Variants in TNFRSF11B observed in about 807,000 individuals in gnomAD.
TNFRSF11B encodes the protein tumor necrosis factor receptor superfamily member 11B.
In TNFRSF11B, 16 loss-of-function variants were observed where a neutral mutation model predicts 43.4. The ratio of observed to expected loss-of-function variants is 0.37; its 90% confidence interval spans 0.25 to 0.56. The LOEUF (loss-of-function observed/expected upper bound fraction) is 0.56. Ranked by LOEUF, TNFRSF11B falls within the 20% of genes least tolerant of loss-of-function variation. The probability of loss-of-function intolerance (pLI) is 0.80; values close to 1 mark genes in which losing one functional copy is unlikely to be tolerated. For missense variants in TNFRSF11B, 444 were observed against 490.1 expected, an observed-to-expected ratio of 0.91 and a Z score of 0.89; for synonymous variants, 185 against 181.8, an observed-to-expected ratio of 1.02 and a Z score of -0.14.
rs11573872 is a variant in TNFRSF11B, at chr8:118,940,438, T to C, written c.31-7138A>G. On this transcript the variant is annotated intron_variant, in intron 1 of 4. Transcript: ENST00000297350. The stretch of plus-strand genomic sequence containing the variant: ...AGCTTGGAAACCTGCATTTAGAATA[T>C]GCATACCACAATTCCAAATTGAGCT... Among the ~76,000 whole-genome samples the C allele has an allele frequency of 9.6e-3, 1,456 of 152,280 alleles. 26 individuals are homozygous for C. Among genetic ancestry groups the C allele is most frequent in the African/African-American group, 0.034 (1,395 of 41,558 alleles).
intron 2 of TNFRSF11B, chr8:118,929,164 C>T (rs1160864546): frequency 7.4e-6 from 4 of 543,312 alleles, no homozygotes; most frequent in Non-Finnish European, 1.3e-5. Flanking sequence ...TTCTCGTTAC[C>T]TACAAAACGC....
chr8:118,933,491 G>A (rs10505345), intron 1 of TNFRSF11B, among the ~76,000 whole-genome samples, 191 bp from the exon 2 acceptor site: 7,248 of 152,240 alleles, frequency 0.048, 564 homozygotes, highest in African/African-American at 0.16. Flanking sequence ...GCAGATAGCA[G>A]TGAACATATT....
At chr8:118,930,443 T>A (rs1812311458) in intron 2 of TNFRSF11B, 1 of 156,488 alleles carries the variant, frequency 6.4e-6, no homozygotes, top group African/African-American at 2.4e-5. Context: ...CGGAGTCTCA[T>A]CTCTGTCACC....
chr8:118,938,443 T>A (rs571320275), intron 1 of TNFRSF11B, among the ~76,000 whole-genome samples: 1 of 152,334 alleles, frequency 6.6e-6, no homozygotes, highest in East Asian at 1.9e-4. Flanking sequence ...TCAGGGTAAT[T>A]AACTTGTTTC....
intron 1 of TNFRSF11B, among the ~76,000 whole-genome samples, chr8:118,940,390 A>C (rs1314576682): frequency 6.6e-6 from 1 of 152,240 alleles, no homozygotes; most frequent in African/African-American, 2.4e-5. Context: ...CAATTTGGTC[A>C]ATAAATTAAC....
Position 118,933,016 on chromosome 8 carries a change from G to C in TNFRSF11B, c.315C>G (p.Cys105Trp), listed in dbSNP as rs751552719. The change falls in exon 2 of 5, where the codon TGC becomes TGG. Residue 105 changes from cysteine to tryptophan, a missense_variant. Physicochemically the swap from Cys to Trp is radical, Grantham distance 215 (BLOSUM62 -2). Coordinates refer to ENST00000297350, the MANE Select transcript of TNFRSF11B (RefSeq NM_002546.4). ...QECNRTHNRV[C>W]ECKEGRYLEI... is the part of the protein sequence containing the mutation. ...CAAGGTAGCGCCCTTCCTTGCATTCGCACACGCGGTTGTGGGTGCGATTGC... is the reference window on the plus strand; with the variant it reads ...CAAGGTAGCGCCCTTCCTTGCATTCCCACACGCGGTTGTGGGTGCGATTGC... 1 of 1,614,092 alleles carries C rather than the reference G, an allele frequency of 6.2e-7. No homozygotes were observed. Among genetic ancestry groups the C allele is most frequent in the Non-Finnish European group, 8.5e-7 (1 of 1,180,014 alleles).
chr8:118,946,787 G>T (rs889359778), intron 1 of TNFRSF11B, among the ~76,000 whole-genome samples: 13 of 152,014 alleles, frequency 8.6e-5, no homozygotes, highest in African/African-American at 3.1e-4. Flanking sequence ...AAAATCTCCA[G>T]CCCAGGCTTC....
intron 1 of TNFRSF11B, among the ~76,000 whole-genome samples, 154 bp from the exon 2 acceptor site, chr8:118,933,454 G>A (rs1480280470): frequency 2.0e-5 from 3 of 152,034 alleles, no homozygotes; most frequent in Admixed American, 1.3e-4. Flanking sequence ...TTTTGCCTCC[G>A]GGAGCTTAAT....
At chr8:118,925,997 A>T (rs938703113) in intron 4 of TNFRSF11B, among the ~76,000 whole-genome samples, 1 of 152,226 alleles carries the variant, frequency 6.6e-6, no homozygotes, top group Non-Finnish European at 1.5e-5. Flanking sequence ...TTCTCATAAC[A>T]TATGCCATTA....
In TNFRSF11B at chr8:118,951,422, A is replaced by T. The variant is rs546767306; in HGVS notation, c.30+370T>A. Among the ~76,000 whole-genome samples the T allele has an allele frequency of 4.8e-4, 73 of 152,346 alleles. 1 individual carries two copies. The highest frequency in any genetic ancestry group is 7.8e-4 in the Admixed American group (12 of 15,312). ...CCACTTCTTTGCCACTAATAATAAA[A>T]GTTCAAGTTCATTAAGCAAAGATAG... On this transcript the variant is annotated intron_variant, in intron 1 of 4. Transcript: ENST00000297350.
chr8:118,951,186 T>G (rs921305201), intron 1 of TNFRSF11B, among the ~76,000 whole-genome samples: 1 of 152,208 alleles, frequency 6.6e-6, no homozygotes, highest in Non-Finnish European at 1.5e-5. Context: ...TTCTCCACAG[T>G]ATATTGAAGT....
At chr8:118,944,496 T>G (rs1233961790) in intron 1 of TNFRSF11B, among the ~76,000 whole-genome samples, 2 of 152,110 alleles carry the variant, frequency 1.3e-5, no homozygotes, top group African/African-American at 4.8e-5. Flanking sequence ...CCACCAAGCT[T>G]CTGGAAGGCA....
In TNFRSF11B at chr8:118,924,527, G is replaced by A; in HGVS notation, c.1053C>T (p.His351=). The change falls in exon 5 of 5, where the codon CAC becomes CAT. Residue 351 remains histidine, a synonymous_variant. Transcript: ENST00000297350. The part of the protein sequence containing the change: ...TLKGLMHALK[H]SKTYHFPKTV... ...TTTTGGGAAAGTGGTACGTCTTTGAGTGCTTTAGTGCGTGCATTAGGCCCT... is the reference window on the plus strand; with the variant it reads ...TTTTGGGAAAGTGGTACGTCTTTGAATGCTTTAGTGCGTGCATTAGGCCCT... The A allele has an allele frequency of 6.2e-7, 1 of 1,614,178 alleles. No homozygotes were observed.
intron 1 of TNFRSF11B, among the ~76,000 whole-genome samples, chr8:118,950,396 A>G (rs1399110430): frequency 6.6e-6 from 1 of 152,242 alleles, no homozygotes; most frequent in Non-Finnish European, 1.5e-5. Flanking sequence ...TTTCAGTGAA[A>G]GAAGTCAAAT....
intron 2 of TNFRSF11B, chr8:118,930,796 A>G (rs1812318087): frequency 2.3e-6 from 1 of 437,594 alleles, no homozygotes; most frequent in African/African-American, 2.0e-5. Flanking sequence ...TGTGTCAGAT[A>G]TTTCTTTTAG....
At chr8:118,948,620 A>G (rs980722099) in intron 1 of TNFRSF11B, among the ~76,000 whole-genome samples, 19 of 151,900 alleles carry the variant, frequency 1.3e-4, no homozygotes, top group Admixed American at 2.6e-4. Flanking sequence ...GTAAAATTTG[A>G]AACTAGATTG....
intron 4 of TNFRSF11B, among the ~76,000 whole-genome samples, chr8:118,926,249 T>G (rs1812242352): frequency 6.6e-6 from 1 of 152,168 alleles, no homozygotes; most frequent in Admixed American, 6.5e-5. Flanking sequence ...TGCATTTCTC[T>G]TCTCTTAGAG....
At chr8:118,948,591 AGCT>A (rs1812598414) in intron 1 of TNFRSF11B, among the ~76,000 whole-genome samples, 1 of 113,610 alleles carries the variant, frequency 8.8e-6, no homozygotes, top group Non-Finnish European at 1.7e-5. Flanking sequence ...GGAATTTCAC[AGCT>A]GTAGTTTCAG....
chr8:118,929,224 A>G (rs1254591151), intron 2 of TNFRSF11B, among the ~76,000 whole-genome samples: 1 of 152,244 alleles, frequency 6.6e-6, no homozygotes, highest in Non-Finnish European at 1.5e-5. Context: ...TCATTAGTCC[A>G]GCCTCCGCTG....
Sources: gnomAD v4.1 joint callset for allele counts (sites outside exome capture counted in the v4.1 genomes callset) on GRCh38, gnomAD v4.1.1 for gene constraint, MANE v1.5 for transcripts, NCBI Gene and HGNC (gene_info 2026-07-23, HGNC 2026-07-21) for gene names.